RANBP2: variants seen among roughly 807,000 people sequenced by gnomAD.
RANBP2 encodes E3 SUMO-protein ligase RanBP2.
Under a neutral mutation model 303.6 loss-of-function variants are expected in RANBP2, and 57 were observed. The ratio of observed to expected loss-of-function variants is 0.19; its 90% confidence interval spans 0.15 to 0.23. The LOEUF is 0.23. RANBP2 is among the 10% of genes least tolerant of loss of function. The pLI, the probability that RANBP2 is intolerant of heterozygous loss-of-function variation, is 1.00. For synonymous variants in RANBP2, 1,167 were observed against 1,301.5 expected (o/e 0.90, Z 2.23); for missense variants, 3,138 against 3,780.8 (o/e 0.83, Z 4.46).
chr2:108,867,871 C>T, the RANBP2 span, among the ~76,000 whole-genome samples: 1 of 152,148 alleles, frequency 6.6e-6, no homozygotes, highest in Non-Finnish European at 1.5e-5. Flanking sequence ...ACATTTTTGT[C>T]CCGTGTAATA....
chr2:108,744,132 G>A (rs1476985713), intron 7 of RANBP2, among the ~76,000 whole-genome samples: 4 of 152,192 alleles, frequency 2.6e-5, no homozygotes, highest in African/African-American at 7.2e-5. Context: ...AGCCAGGCAC[G>A]GTGGCTCACG....
At chr2:109,086,609 T>A in the RANBP2 span, among the ~76,000 whole-genome samples, 1 of 152,114 alleles carries the variant, frequency 6.6e-6, no homozygotes, top group African/African-American at 2.4e-5. Context: ...GCAACCTTTG[T>A]AAAGTGCAGG....
chr2:109,679,639 C>T, the RANBP2 span, among the ~76,000 whole-genome samples: 2 of 152,198 alleles, frequency 1.3e-5, no homozygotes, highest in African/African-American at 2.4e-5. Context: ...CTTCAAGACT[C>T]CTTAGAGTAG....
At chr2:109,634,140 A>G in the RANBP2 span, among the ~76,000 whole-genome samples, 8 of 149,904 alleles carry the variant, frequency 5.3e-5, no homozygotes, top group Non-Finnish European at 8.9e-5. Context: ...AAAAAAAAAA[A>G]AAAAAAGAAA....
the RANBP2 span, among the ~76,000 whole-genome samples, chr2:108,979,573 C>A: frequency 6.6e-6 from 1 of 151,966 alleles, no homozygotes; most frequent in Non-Finnish European, 1.5e-5. Context: ...TGTCAGGTGG[C>A]GGCTGGGGAC....
chr2:109,192,443 A>G, the RANBP2 span, among the ~76,000 whole-genome samples: 1 of 152,246 alleles, frequency 6.6e-6, no homozygotes, highest in Non-Finnish European at 1.5e-5. Flanking sequence ...TTAAGAGGAA[A>G]TGCACTTTTA....
At chr2:108,837,925 T>A in the RANBP2 span, among the ~76,000 whole-genome samples, 1 of 139,108 alleles carries the variant, frequency 7.2e-6, no homozygotes, top group South Asian at 2.2e-4. Flanking sequence ...ATTTTTTCGA[T>A]TTTTTTTTTT....
chr2:109,452,934 G>A, the RANBP2 span, among the ~76,000 whole-genome samples: 11 of 151,230 alleles, frequency 7.3e-5, no homozygotes, highest in Non-Finnish European at 1.5e-4. Context: ...CTGGTCCCGG[G>A]AGGCTGGTGC....
chr2:109,670,128 C>A, the RANBP2 span, among the ~76,000 whole-genome samples: 2 of 152,164 alleles, frequency 1.3e-5, no homozygotes, highest in African/African-American at 4.8e-5. Context: ...AGTAGCTGGG[C>A]TACAGCTGCA....
the RANBP2 span, among the ~76,000 whole-genome samples, chr2:108,942,956 C>T: frequency 4.5e-4 from 69 of 152,332 alleles, no homozygotes; most frequent in African/African-American, 1.6e-3. Context: ...CATGCCTTCC[C>T]GGCCCCTTCG....
chr2:109,466,072 CTTTT>C, the RANBP2 span, among the ~76,000 whole-genome samples: 1 of 82,334 alleles, frequency 1.2e-5, no homozygotes. Context: ...ACCTGTACAT[CTTTT>C]TTTTTTTTTT....
chr2:108,756,334 T>C (rs1440437325), intron 17 of RANBP2, among the ~76,000 whole-genome samples: 1 of 152,260 alleles, frequency 6.6e-6, no homozygotes, highest in Non-Finnish European at 1.5e-5. Flanking sequence ...GAAATAGTTA[T>C]GTATATATAT....
chr2:109,333,976 T>G, the RANBP2 span, among the ~76,000 whole-genome samples: 1 of 152,146 alleles, frequency 6.6e-6, no homozygotes, highest in Non-Finnish European at 1.5e-5. Flanking sequence ...CAAGTGGTAA[T>G]GTGTTAAATT....
the RANBP2 span, among the ~76,000 whole-genome samples, chr2:109,164,650 A>G: frequency 9.2e-5 from 14 of 152,198 alleles, no homozygotes; most frequent in South Asian, 6.2e-4. Context: ...GGAGGGGGAA[A>G]AAAGAGCACT....
At chr2:109,408,184 G>C in the RANBP2 span, among the ~76,000 whole-genome samples, 9 of 152,150 alleles carry the variant, frequency 5.9e-5, no homozygotes, top group Non-Finnish European at 1.0e-4. Flanking sequence ...ATGCCCACCG[G>C]TAGGCCCCAT....
chr2:108,739,535 CAG>C (rs1439788607), intron 6 of RANBP2, among the ~76,000 whole-genome samples: 1 of 152,188 alleles, frequency 6.6e-6, no homozygotes, highest in African/African-American at 2.4e-5. Flanking sequence ...TGAGCACCCT[CAG>C]AGATCTTTAG....
the RANBP2 span, among the ~76,000 whole-genome samples, chr2:109,132,856 C>A: frequency 6.6e-6 from 1 of 152,204 alleles, no homozygotes; most frequent in East Asian, 1.9e-4. Context: ...GGGAGTCTTG[C>A]TAAAAGAGTT....
At chr2:108,969,919 A>G in the RANBP2 span, among the ~76,000 whole-genome samples, 1 of 152,254 alleles carries the variant, frequency 6.6e-6, no homozygotes, top group Admixed American at 6.5e-5. Flanking sequence ...CCAGAGTTCA[A>G]TCTGGGTCAT....
the RANBP2 span, chr2:108,930,148 G>C: frequency 9.3e-6 from 15 of 1,613,888 alleles, no homozygotes; most frequent in Middle Eastern, 1.7e-4. Flanking sequence ...CGGCCCACAC[G>C]GGGGGCACTC....
Sources: gnomAD v4.1 joint callset for allele counts (sites outside exome capture counted in the v4.1 genomes callset) on GRCh38, gnomAD v4.1.1 for gene constraint, MANE v1.5 for transcripts, NCBI Gene and HGNC (gene_info 2026-07-23, HGNC 2026-07-21) for gene names.